Variants in BMERB1 observed in about 807,000 individuals in gnomAD.
The protein encoded by BMERB1 is bMERB domain containing 1.
Under a neutral mutation model 23.6 loss-of-function variants are expected in BMERB1, and 12 were observed. The ratio of observed to expected loss-of-function variants is 0.51; its 90% CI spans 0.33 to 0.82. The LOEUF (loss-of-function observed/expected upper bound fraction) is 0.82, where lower values mean the gene tolerates loss of function less well. Ranked by LOEUF, BMERB1 falls within the 40% of genes least tolerant of loss-of-function variation. BMERB1 has a pLI of 0.03. For missense variants in BMERB1, 247 were observed against 255.4 expected (o/e 0.97, Z 0.22); for synonymous variants, 122 against 96.6 (o/e 1.26, Z -1.54).
In BMERB1 at chr16:15,553,584, G is replaced by A. The variant is rs147144955; in HGVS notation, c.231-14399G>A. 2.2e-4 allele frequency among the ~76,000 whole-genome samples: 33 copies of A among 152,316 alleles called. No individual in the cohort carries two copies. In the East Asian group the frequency reaches 2.9e-3, roughly 13 times the overall value. On this transcript the variant is annotated intron_variant, in intron 2 of 5. Coordinates refer to ENST00000300006, the MANE Select transcript of BMERB1 (RefSeq NM_033201.3). Reference sequence around the variant, plus strand: ...TGCTGAAATGAATGGACATGACTTCGTTCCAATAGCATGTTATTCACAGAT... The same window carrying A: ...TGCTGAAATGAATGGACATGACTTCATTCCAATAGCATGTTATTCACAGAT...
At chr16:15,566,786 C>G (rs1442026489) in intron 2 of BMERB1, among the ~76,000 whole-genome samples, 1 of 152,024 alleles carries the variant, frequency 6.6e-6, no homozygotes, top group African/African-American at 2.4e-5. Flanking sequence ...GAAAGATGAT[C>G]AAGACTATTA....
At chr16:15,438,774 C>G (rs562202468) in intron 1 of BMERB1, among the ~76,000 whole-genome samples, 1 of 152,142 alleles carries the variant, frequency 6.6e-6, no homozygotes, top group African/African-American at 2.4e-5. Flanking sequence ...TTTCTAGATG[C>G]GTGTTTGCAC....
intron 2 of BMERB1, among the ~76,000 whole-genome samples, chr16:15,542,265 A>G (rs1280579636): frequency 6.6e-6 from 1 of 151,786 alleles, no homozygotes; most frequent in East Asian, 1.9e-4. Flanking sequence ...GGGTTTCACC[A>G]TATTGGCCAG....
chr16:15,442,519 A>G (rs2050948323), intron 1 of BMERB1, among the ~76,000 whole-genome samples: 1 of 152,150 alleles, frequency 6.6e-6, no homozygotes, highest in South Asian at 2.1e-4. Context: ...AACTTTGCTC[A>G]TAACATTATG....
rs2031165028 is a variant in BMERB1 at position 15,587,013 on chromosome 16, G to A, written c.*184G>A. 1 of 572,758 alleles carries A rather than the reference G, an allele frequency of 1.7e-6. No individual in the cohort carries two copies. The highest frequency in any genetic ancestry group is 2.2e-5 in the South Asian group (1 of 45,586). 35.5% of individuals were successfully genotyped at this position (572,758 alleles called of 1,614,324 possible). ...CCACCCTGTACAGAGTGTAGCAGTA[G>A]GGAGTCTCTCACCGTCGCATGGTCC... On this transcript the variant is annotated 3_prime_UTR_variant, in exon 6 of 6. Transcript: ENST00000300006.
chr16:15,515,262 A>C (rs1305321107), intron 1 of BMERB1, 43 bp from the exon 2 acceptor site: 1 of 1,611,486 alleles, frequency 6.2e-7, no homozygotes, highest in Non-Finnish European at 8.5e-7. Flanking sequence ...CCCATGGTGC[A>C]GCCTTGGGGT....
At chr16:15,522,431 C>T (rs2051864188) in intron 2 of BMERB1, among the ~76,000 whole-genome samples, 1 of 149,042 alleles carries the variant, frequency 6.7e-6, no homozygotes, top group Non-Finnish European at 1.5e-5. Flanking sequence ...GTGTTGAAAA[C>T]CACACACACA....
intron 1 of BMERB1, among the ~76,000 whole-genome samples, chr16:15,468,013 G>A (rs1417649850): frequency 2.6e-5 from 4 of 152,058 alleles, no homozygotes; most frequent in Non-Finnish European, 5.9e-5. Flanking sequence ...AGGGGTTGTG[G>A]AGACCAAGGT....
chr16:15,533,238 G>A (rs751222356), intron 2 of BMERB1: 13 of 219,166 alleles, frequency 5.9e-5, no homozygotes, highest in Non-Finnish European at 1.1e-4. Flanking sequence ...TCTTTGTTTG[G>A]AAGAGGAGAC....
At chr16:15,464,516 A>AGT (rs1227394335) in intron 1 of BMERB1, among the ~76,000 whole-genome samples, 1 of 152,086 alleles carries the variant, frequency 6.6e-6, no homozygotes, top group East Asian at 1.9e-4. Context: ...AGCAGTCTCG[A>AGT]GTGCTGCTGG....
intron 2 of BMERB1, among the ~76,000 whole-genome samples, chr16:15,550,845 C>T (rs752135739): frequency 1.3e-5 from 2 of 152,122 alleles, no homozygotes; most frequent in Non-Finnish European, 2.9e-5. Context: ...TCTGAGAGTT[C>T]TGTAAAGTGG....
intron 2 of BMERB1, among the ~76,000 whole-genome samples, chr16:15,532,544 C>CTTTTTTTTTT (rs58964968): frequency 2.2e-5 from 2 of 91,834 alleles, no homozygotes; most frequent in Non-Finnish European, 3.9e-5. Context: ...TTTTCTTTTT[C>CTTTTTTTTTT]TTTTTTTTTT....
intron 1 of BMERB1, chr16:15,502,380 T>C: frequency 1.3e-6 from 2 of 1,549,378 alleles, no homozygotes; most frequent in South Asian, 2.4e-5. Context: ...AAGAAAGGTA[T>C]GATCGCTCTT....
At chr16:15,565,970 G>A (rs534763898) in intron 2 of BMERB1, among the ~76,000 whole-genome samples, 1 of 152,328 alleles carries the variant, frequency 6.6e-6, no homozygotes, top group Admixed American at 6.5e-5. Flanking sequence ...TTTGTACACA[G>A]TGATTCCACT....
At chr16:15,456,672 A>T (rs574779195) in intron 1 of BMERB1, among the ~76,000 whole-genome samples, 7 of 152,144 alleles carry the variant, frequency 4.6e-5, no homozygotes, top group African/African-American at 1.7e-4. Flanking sequence ...TCCTTTTCTG[A>T]TCACTGCATA....
intron 2 of BMERB1, among the ~76,000 whole-genome samples, chr16:15,520,094 C>G (rs1478619183): frequency 6.6e-6 from 1 of 152,006 alleles, no homozygotes; most frequent in Non-Finnish European, 1.5e-5. Context: ...CGCAAGAACC[C>G]CAATAGAGTA....
chr16:15,584,225 T>C, intron 5 of BMERB1: 1 of 580,554 alleles, frequency 1.7e-6, no homozygotes, highest in South Asian at 2.1e-5. Flanking sequence ...TTCTCAAATG[T>C]GTTTAACTGC....
chr16:15,488,063 G>A (rs1017660771), intron 1 of BMERB1, among the ~76,000 whole-genome samples: 1 of 152,054 alleles, frequency 6.6e-6, no homozygotes, highest in African/African-American at 2.4e-5. Flanking sequence ...CAGCCCAATA[G>A]GTCTCCGCCT....
At chr16:15,477,174 G>A (rs568934230) in intron 1 of BMERB1, among the ~76,000 whole-genome samples, 81 of 152,020 alleles carry the variant, frequency 5.3e-4, no homozygotes, top group Non-Finnish European at 1.0e-3. Context: ...ACATGTCTGG[G>A]GAGGCCTCAG....
Sources: allele counts gnomAD v4.1 joint callset (sites outside exome capture counted in the v4.1 genomes callset), GRCh38; gene constraint gnomAD v4.1.1; transcripts MANE v1.5; gene names NCBI Gene and HGNC (gene_info 2026-07-23, HGNC 2026-07-21).